The following CTNNA3 variants were observed in gnomAD, a reference collection of about 807,000 sequenced individuals.
CTNNA3 encodes the protein catenin alpha 3.
CTNNA3 carries 76 observed loss-of-function variants against 95.7 expected under a neutral mutation model. That is an observed-to-expected ratio of 0.79 (90% CI 0.66 to 0.96). The LOEUF is 0.96. Ranked by LOEUF, CTNNA3 falls within the 40% of genes least tolerant of loss-of-function variation. The pLI is 0.00. For missense variants in CTNNA3, 1,191 were observed against 1,089.8 expected (o/e 1.09, Z -1.31); for synonymous variants, 431 against 374.4 (o/e 1.15, Z -1.74).
chr10:67,054,130 T>C (rs188010679), intron 7 of CTNNA3, among the ~76,000 whole-genome samples: 171 of 152,232 alleles, frequency 1.1e-3, no homozygotes, highest in African/African-American at 3.9e-3. Flanking sequence ...ATTCCACATA[T>C]TCACGTAAGA....
At chr10:66,707,938 C>G (rs553580979) in intron 9 of CTNNA3, among the ~76,000 whole-genome samples, 1 of 152,178 alleles carries the variant, frequency 6.6e-6, no homozygotes, top group African/African-American at 2.4e-5. Flanking sequence ...ACAAAGTGTT[C>G]TGGTGCATTC....
chr10:66,734,075 T>C (rs1266860423), intron 9 of CTNNA3, among the ~76,000 whole-genome samples: 5 of 152,002 alleles, frequency 3.3e-5, no homozygotes, highest in African/African-American at 7.2e-5. Flanking sequence ...ATATTTTTTA[T>C]TCAATTCTTA....
chr10:67,073,603 G>T (rs1269679162), intron 7 of CTNNA3, among the ~76,000 whole-genome samples: 1 of 149,784 alleles, frequency 6.7e-6, no homozygotes, highest in Non-Finnish European at 1.5e-5. Flanking sequence ...AAAAAACAGA[G>T]ATACAAAATA....
In CTNNA3 at chr10:66,742,569, CA is replaced by C. The variant is rs377686470; in HGVS notation, c.1281+23694del. 4.0e-3 allele frequency among the ~76,000 whole-genome samples: 611 copies of C among 152,188 alleles called. 4 individuals are homozygous for C. Among genetic ancestry groups the C allele is most frequent in the African/African-American group, 0.014 (598 of 41,522 alleles). On this transcript the variant is annotated intron_variant, in intron 9 of 17. Coordinates refer to ENST00000433211, the MANE Select transcript of CTNNA3 (RefSeq NM_013266.4). Reference sequence around the variant, plus strand: ...ATAAAAACTTGCTGGTTTTACGGCTCAGGGGGCATCACAGAACCTGCCGACA... The same window carrying C: ...ATAAAAACTTGCTGGTTTTACGGCTCGGGGGCATCACAGAACCTGCCGACA...
intron 15 of CTNNA3, among the ~76,000 whole-genome samples, chr10:66,013,550 C>T (rs192247271): frequency 4.3e-4 from 65 of 152,254 alleles, no homozygotes; most frequent in Admixed American, 1.2e-3. Flanking sequence ...ATTTTGCTAA[C>T]GCGCTTTTAA....
intron 13 of CTNNA3, among the ~76,000 whole-genome samples, chr10:66,140,039 G>A (rs1170896064): frequency 6.6e-6 from 1 of 152,140 alleles, no homozygotes; most frequent in East Asian, 1.9e-4. Flanking sequence ...ATGTTGCATA[G>A]CAATCATTAA....
intron 7 of CTNNA3, among the ~76,000 whole-genome samples, chr10:66,986,359 T>C (rs1850727122): frequency 6.6e-6 from 1 of 152,024 alleles, no homozygotes; most frequent in Non-Finnish European, 1.5e-5. Flanking sequence ...TAGCCAGGCA[T>C]GGTGGCACAT....
chr10:67,134,469 C>T (rs1160871972), intron 7 of CTNNA3, among the ~76,000 whole-genome samples: 1 of 152,052 alleles, frequency 6.6e-6, no homozygotes, highest in Non-Finnish European at 1.5e-5. Flanking sequence ...ACGATGGATG[C>T]TAGAGATTTT....
rs549090231 is a variant in CTNNA3 at position 67,206,568 on chromosome 10, G to A, written c.843+13039C>T. ...GAAATTGTGGAAGAAGAAGGGAAAG[G>A]AAGAAAAGAGGGAGGGAGGAAGAAA... On this transcript the variant is annotated intron_variant, in intron 6 of 17. Coordinates refer to ENST00000433211, the MANE Select transcript of CTNNA3 (RefSeq NM_013266.4). Among the ~76,000 whole-genome samples, 5 of 151,244 alleles carry A rather than the reference G, an allele frequency of 3.3e-5. No homozygotes were observed. In the South Asian group the frequency reaches 1.0e-3, roughly 32 times the overall value.
chr10:66,965,495 A>T (rs1349957753), intron 7 of CTNNA3, among the ~76,000 whole-genome samples: 1 of 150,000 alleles, frequency 6.7e-6, no homozygotes, highest in Non-Finnish European at 1.5e-5. Flanking sequence ...AGATCGCACC[A>T]CTGCACTCCA....
intron 7 of CTNNA3, among the ~76,000 whole-genome samples, chr10:67,106,715 C>T (rs1340888895): frequency 1.3e-5 from 2 of 152,154 alleles, no homozygotes; most frequent in African/African-American, 2.4e-5. Context: ...AAACTGACCC[C>T]TCTAACTGCT....
chr10:66,894,607 T>G (rs922554396), intron 7 of CTNNA3, among the ~76,000 whole-genome samples: 1 of 152,062 alleles, frequency 6.6e-6, no homozygotes, highest in African/African-American at 2.4e-5. Context: ...ATAAAACATT[T>G]TAGTATAGGA....
intron 7 of CTNNA3, among the ~76,000 whole-genome samples, chr10:66,936,915 G>C (rs1286219659): frequency 6.6e-6 from 1 of 152,084 alleles, no homozygotes; most frequent in Non-Finnish European, 1.5e-5. Flanking sequence ...TTAAGAGCAG[G>C]CATAGCCAGC....
chr10:67,757,781 C>G (rs571004184), intron 1 of CTNNA3, among the ~76,000 whole-genome samples: 4 of 152,158 alleles, frequency 2.6e-5, no homozygotes, highest in Non-Finnish European at 5.9e-5. Flanking sequence ...CCTCAATCTG[C>G]GGACAGCCTA....
chr10:66,156,594 C>A (rs777678903), intron 13 of CTNNA3, among the ~76,000 whole-genome samples: 1 of 150,292 alleles, frequency 6.7e-6, no homozygotes, highest in African/African-American at 2.4e-5. Context: ...AATAAACAAA[C>A]AATAAAAATG....
chr10:67,567,466 G>A (rs547496287), intron 3 of CTNNA3, among the ~76,000 whole-genome samples: 32 of 152,154 alleles, frequency 2.1e-4, no homozygotes, highest in African/African-American at 6.0e-4. Context: ...AGAGGATAGT[G>A]AGAAATTGGT....
At chr10:66,849,386 T>G (rs576956450) in intron 7 of CTNNA3, among the ~76,000 whole-genome samples, 3 of 152,334 alleles carry the variant, frequency 2.0e-5, no homozygotes, top group African/African-American at 7.2e-5. Context: ...TCCCTTATGT[T>G]TGTTTCCTTT....
intron 7 of CTNNA3, among the ~76,000 whole-genome samples, chr10:67,005,050 A>T (rs1255889716): frequency 6.6e-6 from 1 of 152,226 alleles, no homozygotes; most frequent in African/African-American, 2.4e-5. Context: ...GAAATAGTAC[A>T]CAATGTGGGA....
chr10:67,442,008 A>C (rs1189494363), intron 5 of CTNNA3, among the ~76,000 whole-genome samples: 4 of 152,212 alleles, frequency 2.6e-5, no homozygotes, highest in African/African-American at 9.6e-5. Context: ...AAGCCTAAGC[A>C]GTGCAATAAG....
Sources: gnomAD v4.1 joint callset for allele counts (sites outside exome capture counted in the v4.1 genomes callset) on GRCh38, gnomAD v4.1.1 for gene constraint, MANE v1.5 for transcripts, NCBI Gene and HGNC (gene_info 2026-07-23, HGNC 2026-07-21) for gene names.